Variants in PLXNC1 observed in about 807,000 individuals in gnomAD.
The protein encoded by PLXNC1 is plexin-C1.
Under a neutral mutation model 178.2 loss-of-function variants are expected in PLXNC1, and 75 were observed. The ratio of observed to expected loss-of-function variants is 0.42; its 90% confidence interval spans 0.35 to 0.51. PLXNC1 has a LOEUF of 0.51. Among genes scored for constraint, PLXNC1 ranks in the 20% least tolerant of loss-of-function variants. The pLI, the probability that PLXNC1 is intolerant of heterozygous loss-of-function variation, is 0.02. For synonymous variants in PLXNC1, 790 were observed against 779.9 expected (o/e 1.01, Z -0.22); for missense variants, 1,503 against 1,984.4 (o/e 0.76, Z 4.61).
intron 6 of PLXNC1, 136 bp downstream of exon 6, chr12:94,220,299 T>C: frequency 1.3e-6 from 1 of 794,898 alleles, no homozygotes; most frequent in South Asian, 1.7e-5. Context: ...GGTTCCCACT[T>C]TTGCTCTGGG....
chr12:94,238,488 G>GAA (rs11376959), intron 10 of PLXNC1, among the ~76,000 whole-genome samples: 72 of 146,508 alleles, frequency 4.9e-4, no homozygotes, highest in African/African-American at 1.3e-3. Flanking sequence ...CTCCCCCTTC[G>GAA]AAAAAAAAAA....
intron 21 of PLXNC1, among the ~76,000 whole-genome samples, chr12:94,278,401 A>G (rs895419494): frequency 6.6e-6 from 1 of 152,256 alleles, no homozygotes; most frequent in South Asian, 2.1e-4. Context: ...GTTCTTAGAC[A>G]AAGTAAACTT....
At chr12:94,195,395 C>G (rs567028161) in intron 4 of PLXNC1, among the ~76,000 whole-genome samples, 1 of 152,000 alleles carries the variant, frequency 6.6e-6, no homozygotes, top group Non-Finnish European at 1.5e-5. Context: ...AGAGGTAGTA[C>G]GTCTCCCAGT....
chr12:94,183,135 G>T (rs1037580922), intron 3 of PLXNC1, among the ~76,000 whole-genome samples: 1 of 152,250 alleles, frequency 6.6e-6, no homozygotes, highest in African/African-American at 2.4e-5. Flanking sequence ...GCCCAACCCT[G>T]GTTTTCCATT....
At chr12:94,177,168 T>TAG (rs1962099406) in intron 2 of PLXNC1, among the ~76,000 whole-genome samples, 1 of 60,232 alleles carries the variant, frequency 1.7e-5, no homozygotes, top group Non-Finnish European at 3.0e-5. Flanking sequence ...TATGTATATA[T>TAG]ATATATACGT....
intron 3 of PLXNC1, among the ~76,000 whole-genome samples, chr12:94,182,245 A>G (rs1329232695): frequency 6.6e-6 from 1 of 151,946 alleles, no homozygotes. Flanking sequence ...CAAGTGTAGA[A>G]AACAGTGTTA....
chr12:94,191,247 C>G (rs1182584399), intron 4 of PLXNC1, among the ~76,000 whole-genome samples: 1 of 152,206 alleles, frequency 6.6e-6, no homozygotes, highest in Non-Finnish European at 1.5e-5. Context: ...GAAACTAAGT[C>G]TCATATCTGT....
intron 15 of PLXNC1, 130 bp from the exon 16 acceptor site, chr12:94,254,657 A>G: frequency 1.4e-6 from 1 of 730,302 alleles, no homozygotes; most frequent in Non-Finnish European, 2.5e-6. Flanking sequence ...GTTTCATTCT[A>G]GCTCCTGCTC....
At chr12:94,282,270 TA>T (rs1302166214) in intron 22 of PLXNC1, 27 bp from the exon 23 acceptor site, 2 of 1,534,022 alleles carry the variant, frequency 1.3e-6, no homozygotes, top group Non-Finnish European at 1.8e-6. Context: ...TAAAACTCTC[TA>T]AAAAGGAACA....
At chr12:94,245,905 TG>T (rs1964516436) in intron 12 of PLXNC1, among the ~76,000 whole-genome samples, 1 of 152,186 alleles carries the variant, frequency 6.6e-6, no homozygotes, top group African/African-American at 2.4e-5. Flanking sequence ...TGAAGATCTC[TG>T]AGCAGGAAGT....
chr12:94,219,706 A>C (rs957746795), intron 5 of PLXNC1, among the ~76,000 whole-genome samples: 4 of 152,156 alleles, frequency 2.6e-5, no homozygotes, highest in African/African-American at 9.7e-5. Flanking sequence ...TGATAAGAAA[A>C]ATATACACAC....
At chr12:94,238,538 T>G (rs1964301445) in intron 10 of PLXNC1, among the ~76,000 whole-genome samples, 1 of 152,064 alleles carries the variant, frequency 6.6e-6, no homozygotes, top group Non-Finnish European at 1.5e-5. Flanking sequence ...ACACAACAGA[T>G]TATTTGAGTT....
chr12:94,188,871 G>A (rs552370002), intron 4 of PLXNC1, among the ~76,000 whole-genome samples: 2 of 152,378 alleles, frequency 1.3e-5, no homozygotes, highest in Admixed American at 1.3e-4. Context: ...TGGGGAGGTG[G>A]CAGAGGCCTG....
intron 4 of PLXNC1, among the ~76,000 whole-genome samples, chr12:94,206,417 G>A (rs1015568769): frequency 1.3e-5 from 2 of 151,754 alleles, no homozygotes; most frequent in African/African-American, 4.8e-5. Context: ...TAGTTTCATT[G>A]ACTGAATTGT....
At chr12:94,298,934 G>C (rs745423596) in intron 27 of PLXNC1, 139 bp downstream of exon 27, 20 of 759,290 alleles carry the variant, frequency 2.6e-5, no homozygotes, top group Non-Finnish European at 3.7e-5. Context: ...TCATGTCAAA[G>C]TAGTTTCTTA....
intron 16 of PLXNC1, 146 bp from the exon 17 acceptor site, chr12:94,255,047 G>C (rs1964802136): frequency 1.1e-6 from 1 of 889,388 alleles, no homozygotes; most frequent in Non-Finnish European, 1.8e-6. Flanking sequence ...TTTTATTTCA[G>C]CTCTTCTCTG....
chr12:94,294,911 G>C (rs58233336), intron 24 of PLXNC1, among the ~76,000 whole-genome samples: 1 of 152,054 alleles, frequency 6.6e-6, no homozygotes, highest in African/African-American at 2.4e-5. Flanking sequence ...ACAGAGCCCC[G>C]AAGCAAGCGC....
intron 21 of PLXNC1, among the ~76,000 whole-genome samples, chr12:94,278,719 C>G (rs1477891110): frequency 6.6e-6 from 1 of 151,998 alleles, no homozygotes; most frequent in Non-Finnish European, 1.5e-5. Flanking sequence ...CTCTTTGGGC[C>G]GGGCACAGTG....
At chr12:94,273,674 A>G (rs1965725675) in intron 21 of PLXNC1, among the ~76,000 whole-genome samples, 1 of 152,124 alleles carries the variant, frequency 6.6e-6, no homozygotes, top group African/African-American at 2.4e-5. Flanking sequence ...AGTACTTCCC[A>G]AGCAGGATGA....
Sources: allele counts gnomAD v4.1 joint callset (sites outside exome capture counted in the v4.1 genomes callset), GRCh38; gene constraint gnomAD v4.1.1; transcripts MANE v1.5; gene names NCBI Gene and HGNC (gene_info 2026-07-23, HGNC 2026-07-21).